The following ATL1 variants were observed in gnomAD, a reference collection of about 807,000 sequenced individuals.
The protein encoded by ATL1 is atlastin GTPase 1, also known as atlastin-1.
In ATL1, 31 loss-of-function variants were observed where a neutral mutation model predicts 75.5. The observed-to-expected ratio is 0.41, with a 90% confidence interval of 0.31 to 0.55. ATL1 has a LOEUF of 0.55. Ranked by LOEUF, ATL1 falls within the 20% of genes least tolerant of loss-of-function variation. The probability of loss-of-function intolerance (pLI) is 0.27; values close to 1 mark genes in which losing one functional copy is unlikely to be tolerated. For missense variants in ATL1, 405 were observed against 662.6 expected, an observed-to-expected ratio of 0.61 and a Z score of 4.27; for synonymous variants, 226 against 233.3, an observed-to-expected ratio of 0.97 and a Z score of 0.28.
At chr14:50,621,428 A>T (rs534620619) in intron 9 of ATL1, among the ~76,000 whole-genome samples, 1 of 152,332 alleles carries the variant, frequency 6.6e-6, no homozygotes, top group Admixed American at 6.5e-5. Context: ...TAAAATATGA[A>T]TTTTTACTGC....
chr14:50,614,363 T>C lies in ATL1; in HGVS notation c.724-10T>C. The C allele has an allele frequency of 6.2e-7, 1 of 1,613,862 alleles. No homozygotes were observed. The highest frequency in any genetic ancestry group is 8.5e-7 in the Non-Finnish European group (1 of 1,179,820). On this transcript the variant is annotated splice_polypyrimidine_tract_variant and intron_variant, in intron 7 of 13. Transcript: ENST00000358385. ...GAAAGTAGTTTAAACTTCAGAATGA[T>C]TTACTGCAGGTCTCAGGGAACCAGC...
At chr14:50,627,944 A>T in intron 11 of ATL1, 87 bp from the exon 12 acceptor site, 1 of 1,294,272 alleles carries the variant, frequency 7.7e-7, no homozygotes, top group African/African-American at 1.5e-5. Flanking sequence ...GTATTCTAAC[A>T]AACTCAACTA....
chr14:50,576,074 A>C (rs1233900839), intron 1 of ATL1, among the ~76,000 whole-genome samples: 1 of 152,226 alleles, frequency 6.6e-6, no homozygotes, highest in Non-Finnish European at 1.5e-5. Context: ...CCTATTCAGT[A>C]GAAATCATAC....
chr14:50,586,786 C>T (rs1473320591), intron 1 of ATL1, among the ~76,000 whole-genome samples: 1 of 151,958 alleles, frequency 6.6e-6, no homozygotes, highest in East Asian at 1.9e-4. Context: ...TGGCAGTTAC[C>T]GTCCATGTGA....
Position 50,539,277 on chromosome 14 carries a change from T to C in ATL1, c.-140+5910T>C, listed in dbSNP as rs576841182. 8.5e-5 allele frequency among the ~76,000 whole-genome samples: 13 copies of C among 152,294 alleles called. No homozygotes were observed. In the East Asian group the frequency reaches 2.1e-3, roughly 25 times the overall value. Reference sequence around the variant, plus strand: ...GGCACAACATTGAAAGATCAATCTCTAGCACTTAGCTGCTGTAACAGTGAG... The same window carrying C: ...GGCACAACATTGAAAGATCAATCTCCAGCACTTAGCTGCTGTAACAGTGAG... On this transcript the variant is annotated intron_variant, in intron 1 of 13. Coordinates refer to the ATL1 transcript ENST00000441560.
chr14:50,575,409 T>C (rs2038996972), intron 1 of ATL1, among the ~76,000 whole-genome samples: 1 of 152,176 alleles, frequency 6.6e-6, no homozygotes, highest in Admixed American at 6.5e-5. Context: ...TTTTGAGATC[T>C]ATTACATATA....
At chr14:50,584,511 G>A (rs2140198292) in intron 1 of ATL1, among the ~76,000 whole-genome samples, 1 of 152,242 alleles carries the variant, frequency 6.6e-6, no homozygotes, top group South Asian at 2.1e-4. Context: ...AGACCATCCT[G>A]GCTAACATGG....
intron 1 of ATL1, among the ~76,000 whole-genome samples, chr14:50,551,142 A>C (rs2038697248): frequency 1.3e-5 from 2 of 152,190 alleles, no homozygotes; most frequent in South Asian, 4.1e-4. Context: ...AGATTAACTA[A>C]GAAAAGAAGA....
intron 1 of ATL1, among the ~76,000 whole-genome samples, chr14:50,566,454 A>G (rs1396817937): frequency 6.6e-6 from 1 of 152,208 alleles, no homozygotes; most frequent in Non-Finnish European, 1.5e-5. Context: ...CCTAATATAA[A>G]GGGAATCTAG....
chr14:50,564,653 A>G (rs2038885100), intron 1 of ATL1, among the ~76,000 whole-genome samples: 1 of 142,688 alleles, frequency 7.0e-6, no homozygotes. Flanking sequence ...GTCTCAAAAA[A>G]AAAAAAAAAA....
At chr14:50,548,039 C>T (rs956353465) in intron 1 of ATL1, among the ~76,000 whole-genome samples, 2 of 152,136 alleles carry the variant, frequency 1.3e-5, no homozygotes, top group Admixed American at 6.5e-5. Context: ...GACTACCCTA[C>T]AAACCACCTT....
intron 1 of ATL1, among the ~76,000 whole-genome samples, chr14:50,551,975 C>T (rs1397472330): frequency 6.6e-6 from 1 of 152,118 alleles, no homozygotes; most frequent in Non-Finnish European, 1.5e-5. Context: ...CCACTTTCAC[C>T]ACTTCTACTC....
intron 1 of ATL1, among the ~76,000 whole-genome samples, chr14:50,564,647 C>CAAAAAAAAAAAAAAAAAAAAA (rs60054322): frequency 7.5e-5 from 3 of 40,002 alleles, no homozygotes; most frequent in African/African-American, 3.3e-4. Flanking sequence ...GATTCCGTCT[C>CAAAAAAAAAAAAAAAAAAAAA]AAAAAAAAAA....
intron 4 of ATL1, 48 bp from the exon 5 acceptor site, chr14:50,593,798 A>C (rs909546782): frequency 8.0e-7 from 1 of 1,250,562 alleles, no homozygotes; most frequent in Non-Finnish European, 1.2e-6. Context: ...GTAAGTGCTT[A>C]GGATGATGCC....
rs541201665 is a variant in ATL1, at chr14:50,596,467, T to C, written c.630+835T>C. On this transcript the variant is annotated intron_variant, in intron 6 of 13. Coordinates refer to ENST00000358385, the MANE Select transcript of ATL1 (RefSeq NM_015915.5). ...GTAACAATACAGAAGATGTGAAACC[T>C]AGGGCTAACAAGCTTGCTTTATGGT... Among the ~76,000 whole-genome samples, 4 of 152,302 alleles carry C rather than the reference T, an allele frequency of 2.6e-5. No homozygotes were observed. In the East Asian group the frequency reaches 7.7e-4, roughly 29 times the overall value.
rs192735126 is a variant in ATL1 at position 50,583,820 on chromosome 14, G to T, written c.35-4011G>T. Among the ~76,000 whole-genome samples the T allele has an allele frequency of 7.9e-5, 12 of 152,272 alleles. No individual in the cohort carries two copies. In the East Asian group the frequency reaches 2.3e-3, roughly 29 times the overall value. On this transcript the variant is annotated intron_variant, in intron 1 of 13. Coordinates refer to ENST00000358385, the MANE Select transcript of ATL1 (RefSeq NM_015915.5). ...TTTTGAATAGGATAGTGTAAAATTGGTGCTGGTGTAGAGAAATTGATGAAT... is the reference window on the plus strand; with the variant it reads ...TTTTGAATAGGATAGTGTAAAATTGTTGCTGGTGTAGAGAAATTGATGAAT...
At position 50,628,073 on chromosome 14, in the gene ATL1, C is replaced by T. The variant is rs2039538638; in HGVS notation, c.1162C>T (p.Gln388Ter). 6.2e-7 allele frequency: 1 copy of T among 1,614,078 alleles called. No individual in the cohort carries two copies. Among genetic ancestry groups the T allele is most frequent in the African/African-American group, 1.3e-5 (1 of 74,916 alleles). ...DKPFLAPNDLQTKHLQLKEES... is the reference protein window; with the variant it reads ...DKPFLAPNDL ...ACCATTTCTGGCCCCAAATGACTTGCAGACCAAACACCTGCAACTTAAGGA... is the reference window on the plus strand; with the variant it reads ...ACCATTTCTGGCCCCAAATGACTTGTAGACCAAACACCTGCAACTTAAGGA... The change falls in exon 12 of 14, where the codon CAG (glutamine) becomes TAG (stop). Residue 388 changes from glutamine to a stop codon, truncating the protein, a stop_gained. Transcript: ENST00000358385. LOFTEE classifies it high-confidence loss of function.
At position 50,625,901 on chromosome 14, in the gene ATL1, C is replaced by CAA. The variant is rs201406132; in HGVS notation, c.1120-2119_1120-2118dup. Among the ~76,000 whole-genome samples the CAA allele has an allele frequency of 3.1e-3, 408 of 131,396 alleles. 5 individuals carry two copies. The highest frequency in any genetic ancestry group is 0.019 in the Admixed American group (254 of 13,216). The allele number at this position is 131,396 out of a possible 152,430, so 86.2% of individuals were successfully genotyped here. On this transcript the variant is annotated intron_variant, in intron 11 of 13. Transcript: ENST00000358385. ...CTGGGTGACAGAGTGAGACCCGTCT[C>CAA]AAAAAAAAAAAAGAAAAAAAAAATC...
At chr14:50,605,859 C>G (rs2039313117) in intron 6 of ATL1, among the ~76,000 whole-genome samples, 1 of 151,960 alleles carries the variant, frequency 6.6e-6, no homozygotes, top group South Asian at 2.1e-4. Flanking sequence ...GATTTTTTAT[C>G]TTTCTGGGTT....
Sources: gnomAD v4.1 joint callset for allele counts (sites outside exome capture counted in the v4.1 genomes callset) on GRCh38, gnomAD v4.1.1 for gene constraint, MANE v1.5 for transcripts, NCBI Gene and HGNC (gene_info 2026-07-23, HGNC 2026-07-21) for gene names.